PHB1: variants seen among roughly 807,000 people sequenced by gnomAD.
PHB1 encodes epididymis luminal protein 215.
chr17:49,408,551 TG>T, the PHB1 span, among the ~76,000 whole-genome samples: 2 of 152,302 alleles, frequency 1.3e-5, no homozygotes, highest in African/African-American at 4.8e-5. Flanking sequence ...ATACCAGGCC[TG>T]GGGGAATCCA....
the PHB1 span, chr17:49,406,732 G>A: frequency 1.3e-6 from 2 of 1,521,990 alleles, no homozygotes; most frequent in Non-Finnish European, 1.8e-6. Flanking sequence ...GGAGAGAGAG[G>A]CTCCTGCCAT....
the PHB1 span, chr17:49,409,406 G>C: frequency 6.2e-7 from 1 of 1,614,088 alleles, no homozygotes; most frequent in East Asian, 2.2e-5. Context: ...TGCTGGTGAA[G>C]ATGCGAGGAA....
chr17:49,406,764 C>T, the PHB1 span: 1 of 1,612,482 alleles, frequency 6.2e-7, no homozygotes, highest in Non-Finnish European at 8.5e-7. Flanking sequence ...CTCACCTTTT[C>T]CACCACAAAT....
the PHB1 span, chr17:49,404,836 T>C: frequency 1.6e-6 from 1 of 614,774 alleles, no homozygotes; most frequent in Non-Finnish European, 2.9e-6. Context: ...ATAGACTAAT[T>C]AGAGATCTGA....
At chr17:49,405,670 G>A in the PHB1 span, among the ~76,000 whole-genome samples, 1 of 152,142 alleles carries the variant, frequency 6.6e-6, no homozygotes, top group African/African-American at 2.4e-5. Flanking sequence ...GGCACTTTGG[G>A]AGGCGGAGGC....
At chr17:49,409,688 C>T in the PHB1 span, among the ~76,000 whole-genome samples, 1,628 of 151,664 alleles carry the variant, frequency 0.011, 24 homozygotes, top group Non-Finnish European at 0.016. Context: ...ATTACAGGCA[C>T]GCGCCGCCAC....
the PHB1 span, among the ~76,000 whole-genome samples, chr17:49,410,276 CTT>C: frequency 1.3e-5 from 2 of 152,192 alleles, no homozygotes; most frequent in African/African-American, 4.8e-5. Context: ...GCCTCAGCCT[CTT>C]GAGTAGCTGA....
chr17:49,411,837 C>T, the PHB1 span: 1 of 1,613,464 alleles, frequency 6.2e-7, no homozygotes, highest in Admixed American at 1.7e-5. Context: ...TGCCCAGCAT[C>T]CACTAGGAAG....
the PHB1 span, among the ~76,000 whole-genome samples, chr17:49,411,199 CTT>C: frequency 8.9e-4 from 104 of 117,412 alleles, no homozygotes; most frequent in African/African-American, 1.5e-3. Context: ...TAGAAGCAGG[CTT>C]TTTTTTTTTT....
chr17:49,409,016 C>T, the PHB1 span: 2 of 1,435,836 alleles, frequency 1.4e-6, no homozygotes, highest in Non-Finnish European at 1.9e-6. Flanking sequence ...GCCCCTTCCC[C>T]TCCTCGGTCT....
the PHB1 span, among the ~76,000 whole-genome samples, chr17:49,407,991 T>C: frequency 2.0e-4 from 30 of 152,360 alleles, no homozygotes; most frequent in African/African-American, 7.0e-4. Context: ...ACACCTTAGA[T>C]AGGGTTTCTT....
chr17:49,409,852 A>G, the PHB1 span, among the ~76,000 whole-genome samples: 1 of 150,838 alleles, frequency 6.6e-6, no homozygotes, highest in African/African-American at 2.4e-5. Context: ...GGTCTTTTAT[A>G]TGACCTCTCC....
the PHB1 span, chr17:49,409,335 A>G: frequency 1.9e-6 from 3 of 1,614,144 alleles, no homozygotes; most frequent in Non-Finnish European, 2.5e-6. Context: ...ACTCACCACC[A>G]CTGACTTGAG....
chr17:49,413,370 C>G, the PHB1 span: 5 of 744,540 alleles, frequency 6.7e-6, no homozygotes, highest in African/African-American at 6.9e-5. Context: ...ACAACAGTCA[C>G]TTTTCAACCT....
At chr17:49,413,417 A>C in the PHB1 span, 1 of 612,682 alleles carries the variant, frequency 1.6e-6, no homozygotes, top group Non-Finnish European at 3.0e-6. Flanking sequence ...GTGCTAAATC[A>C]TCCATTGAAG....
chr17:49,406,964 G>A, the PHB1 span: 4 of 753,860 alleles, frequency 5.3e-6, no homozygotes, highest in Non-Finnish European at 2.3e-6. Context: ...TCTAGCAGCT[G>A]GAGGCATCCG....
chr17:49,409,084 C>T, the PHB1 span: 1 of 1,612,642 alleles, frequency 6.2e-7, no homozygotes, highest in East Asian at 2.2e-5. Flanking sequence ...TGGCGGCTCG[C>T]TCTGTAAGGT....
At chr17:49,409,217 A>ACC in the PHB1 span, 11 of 1,572,506 alleles carry the variant, frequency 7.0e-6, no homozygotes, top group African/African-American at 1.5e-4. Context: ...CAGAAAAGGA[A>ACC]CCAGGAAACT....
At chr17:49,409,457 G>A in the PHB1 span, 4 of 1,545,668 alleles carry the variant, frequency 2.6e-6, no homozygotes, top group African/African-American at 4.2e-5. Flanking sequence ...GCAGTGTGAT[G>A]TTGACATTCT....
Sources: gnomAD v4.1 joint callset for allele counts (sites outside exome capture counted in the v4.1 genomes callset) on GRCh38, gnomAD v4.1.1 for gene constraint, MANE v1.5 for transcripts, NCBI Gene and HGNC (gene_info 2026-07-23, HGNC 2026-07-21) for gene names.